Variants in THRB observed in about 807,000 individuals in gnomAD.
THRB encodes nuclear receptor subfamily 1 group A member 2.
THRB carries 12 observed loss-of-function variants against 47.8 expected under a neutral mutation model. The ratio of observed to expected loss-of-function variants is 0.25; its 90% confidence interval spans 0.16 to 0.41. THRB has a LOEUF of 0.41. Ranked by LOEUF, THRB falls within the 10% of genes least tolerant of loss-of-function variation. The probability of loss-of-function intolerance (pLI) is 1.00; values close to 1 mark genes in which losing one functional copy is unlikely to be tolerated. For synonymous variants in THRB, 218 were observed against 212.2 expected, an observed-to-expected ratio of 1.03 and a Z score of -0.24; for missense variants, 348 against 589.2, an observed-to-expected ratio of 0.59 and a Z score of 4.24.
chr3:24,160,336 GAGA>G (rs1460477905), intron 5 of THRB, among the ~76,000 whole-genome samples: 2 of 152,204 alleles, frequency 1.3e-5, no homozygotes, highest in Non-Finnish European at 2.9e-5. Flanking sequence ...CCCAAACCTT[GAGA>G]CGGAGCCCTG....
At chr3:24,154,303 G>A (rs2037466599) in intron 5 of THRB, among the ~76,000 whole-genome samples, 2 of 152,186 alleles carry the variant, frequency 1.3e-5, no homozygotes, top group South Asian at 4.1e-4. Flanking sequence ...AGAATGCTTT[G>A]CGCGTTCATT....
chr3:24,313,023 T>G (rs1306326104), intron 2 of THRB, among the ~76,000 whole-genome samples: 1 of 152,052 alleles, frequency 6.6e-6, no homozygotes, highest in African/African-American at 2.4e-5. Flanking sequence ...GGAGGCAGAA[T>G]AGGTAGGAGT....
Position 24,121,497 on chromosome 3 carries a change from C to T in THRB, c.*1387G>A, listed in dbSNP as rs770859627. On this transcript the variant is annotated 3_prime_UTR_variant, in exon 11 of 11. Transcript: ENST00000646209. The stretch of plus-strand genomic sequence containing the variant: ...TCAATTGCATGGGTACATTCTATGC[C>T]CATTTTCTGACGCTGAAGAGATGAA... 5 of 152,538 alleles carry T rather than the reference C, an allele frequency of 3.3e-5. No homozygotes were observed. The highest frequency in any genetic ancestry group is 4.8e-5 in the African/African-American group (2 of 41,406). The allele number at this position is 152,538 out of a possible 1,614,324, so 9.4% of individuals were successfully genotyped here. A position where few individuals can be genotyped will look rare whatever the true frequency, so the allele number is the denominator to read the frequency against.
intron 3 of THRB, among the ~76,000 whole-genome samples, chr3:24,231,106 T>G (rs1440493684): frequency 6.6e-6 from 1 of 152,204 alleles, no homozygotes. Flanking sequence ...TTGGATGCCC[T>G]CAGTAAAATA....
intron 2 of THRB, among the ~76,000 whole-genome samples, chr3:24,324,345 A>T (rs1424502398): frequency 6.6e-6 from 1 of 151,214 alleles, no homozygotes; most frequent in Non-Finnish European, 1.5e-5. Context: ...AATGGCCAAA[A>T]CCTCCCCTTG....
chr3:24,495,635 A>T (rs1051061890), upstream of THRB: 2 of 152,246 alleles, frequency 1.3e-5, no homozygotes, highest in Non-Finnish European at 2.9e-5. Flanking sequence ...AGAAGAGGAA[A>T]GAATGGGGAA....
chr3:24,217,148 T>G (rs1255602050), intron 4 of THRB, among the ~76,000 whole-genome samples: 1 of 150,788 alleles, frequency 6.6e-6, no homozygotes, highest in African/African-American at 2.4e-5. Context: ...CTACTTAGAG[T>G]TGAGAAAATT....
At chr3:24,442,132 G>C (rs9831133) in intron 1 of THRB, among the ~76,000 whole-genome samples, 1 of 151,942 alleles carries the variant, frequency 6.6e-6, no homozygotes, top group Non-Finnish European at 1.5e-5. Flanking sequence ...AGTAAAAAGT[G>C]CTTCAGTGTT....
At chr3:24,225,101 T>A (rs1475564918) in intron 4 of THRB, among the ~76,000 whole-genome samples, 1 of 152,112 alleles carries the variant, frequency 6.6e-6, no homozygotes, top group African/African-American at 2.4e-5. Flanking sequence ...GATGCAGAAA[T>A]GCGAGTGGTG....
intron 4 of THRB, among the ~76,000 whole-genome samples, chr3:24,190,855 C>A (rs2043240765): frequency 6.7e-6 from 1 of 149,440 alleles, no homozygotes; most frequent in Non-Finnish European, 1.5e-5. Flanking sequence ...CTGTTTTTAC[C>A]ACCTTCTACC....
intron 10 of THRB, among the ~76,000 whole-genome samples, chr3:24,126,316 G>C (rs1176483057): frequency 6.6e-6 from 1 of 152,032 alleles, no homozygotes; most frequent in African/African-American, 2.4e-5. Context: ...AGCAGGTCAA[G>C]CCTGCGATGA....
intron 3 of THRB, among the ~76,000 whole-genome samples, chr3:24,289,109 A>G (rs187223655): frequency 2.4e-4 from 37 of 152,314 alleles, no homozygotes; most frequent in Admixed American, 2.2e-3. Context: ...GTTTCAAGCC[A>G]GAGCTTGCTG....
chr3:24,175,291 A>AT (rs2149398500), intron 5 of THRB, among the ~76,000 whole-genome samples: 1 of 152,320 alleles, frequency 6.6e-6, no homozygotes, highest in South Asian at 2.1e-4. Context: ...CTTGCATAGT[A>AT]TTTCCAGTGG....
chr3:24,306,027 C>T (rs1363240348), intron 2 of THRB, among the ~76,000 whole-genome samples: 2 of 152,206 alleles, frequency 1.3e-5, no homozygotes, highest in East Asian at 3.8e-4. Context: ...CTAATTTAGA[C>T]ATGTTTCAAA....
At chr3:24,338,958 A>C (rs2149439918) in intron 1 of THRB, among the ~76,000 whole-genome samples, 1 of 152,338 alleles carries the variant, frequency 6.6e-6, no homozygotes, top group Non-Finnish European at 1.5e-5. Flanking sequence ...AACTCTGATA[A>C]TGTGCGGCTG....
chr3:24,404,703 T>C, intron 1 of THRB, among the ~76,000 whole-genome samples: 3 of 152,016 alleles, frequency 2.0e-5, no homozygotes, highest in Middle Eastern at 6.8e-3. Flanking sequence ...TTAACAAATA[T>C]TTTAAATGTT....
chr3:24,119,861 ACACACGCACGCGCATACACT>A lies in THRB; in HGVS notation c.*3003_*3022del, dbSNP rs1288196539. The stretch of plus-strand genomic sequence containing the variant: ...ATTGAGCAAAGTACACTTGAGGGTC[ACACACGCACGCGCATACACT>A]CACACGCACACACGCCCCACACCGC... On this transcript the variant is annotated 3_prime_UTR_variant, in exon 11 of 11. Transcript: ENST00000646209. 6.6e-6 allele frequency: 1 copy of A among 152,310 alleles called. No individual in the cohort carries two copies. The highest frequency in any genetic ancestry group is 1.5e-5 in the Non-Finnish European group (1 of 68,046). The allele number at this position is 152,310 out of a possible 1,614,324, so 9.4% of individuals were successfully genotyped here. A position where few individuals can be genotyped will look rare whatever the true frequency, so the allele number is the denominator to read the frequency against.
At chr3:24,241,821 G>T (rs544060631) in intron 3 of THRB, among the ~76,000 whole-genome samples, 16 of 152,234 alleles carry the variant, frequency 1.1e-4, no homozygotes, top group Non-Finnish European at 1.9e-4. Flanking sequence ...GACCTAATGA[G>T]TTATAAACTC....
intron 3 of THRB, among the ~76,000 whole-genome samples, chr3:24,256,271 G>C (rs2051269775): frequency 8.4e-6 from 1 of 119,136 alleles, no homozygotes. Context: ...GCCTTAATGA[G>C]TATTACTTGG....
Sources: allele counts gnomAD v4.1 joint callset (sites outside exome capture counted in the v4.1 genomes callset), GRCh38; gene constraint gnomAD v4.1.1; transcripts MANE v1.5; gene names NCBI Gene and HGNC (gene_info 2026-07-23, HGNC 2026-07-21).